Variants in SYT9 observed in about 807,000 individuals in gnomAD.
SYT9 encodes synaptotagmin 9.
A neutral mutation model predicts 48.4 loss-of-function variants in SYT9; 22 were observed. The observed-to-expected ratio is 0.45, with a 90% CI of 0.32 to 0.65. The LOEUF is 0.65. Among genes scored for constraint, SYT9 ranks in the 30% least tolerant of loss-of-function variants. The pLI is 0.03. For synonymous variants in SYT9, 265 were observed against 245.0 expected, an observed-to-expected ratio of 1.08 and a Z score of -0.76; for missense variants, 577 against 622.0, an observed-to-expected ratio of 0.93 and a Z score of 0.77.
intron 6 of SYT9, chr11:7,454,440 G>A (rs1010434254): frequency 2.1e-5 from 8 of 386,264 alleles, no homozygotes; most frequent in Non-Finnish European, 2.5e-5. Context: ...TCCCAAGCAC[G>A]GACACAGTCC....
At chr11:7,251,127 CA>C (rs1564835912), upstream of SYT9, among the ~76,000 whole-genome samples, 36 of 150,874 alleles carry the variant, frequency 2.4e-4, no homozygotes, top group South Asian at 8.5e-4. Context: ...CACACACACA[CA>C]CACACCCAGA....
chr11:7,311,830 C>A (rs545255849), intron 2 of SYT9, among the ~76,000 whole-genome samples: 70 of 152,180 alleles, frequency 4.6e-4, no homozygotes, highest in Non-Finnish European at 9.0e-4. Context: ...GACTCAAGCT[C>A]TATTCTAGCA....
At position 7,376,320 on chromosome 11, in the gene SYT9, ATCTC is replaced by A. The variant is rs1190712010; in HGVS notation, c.1045-39718_1045-39715del. ...TTTATCTCTTCCTTTCTCTCTCTCTATCTCTCTTTCTCTCTCCCTCTTTCTTTCC... is the reference window on the plus strand; with the variant it reads ...TTTATCTCTTCCTTTCTCTCTCTCTATCTTTCTCTCTCCCTCTTTCTTTCC... On this transcript the variant is annotated intron_variant, in intron 3 of 6. Coordinates refer to ENST00000318881, the MANE Select transcript of SYT9 (RefSeq NM_175733.4). Among the ~76,000 whole-genome samples, 4 of 85,984 alleles carry A rather than the reference ATCTC, an allele frequency of 4.7e-5. No individual in the cohort carries two copies. The East Asian group carries it at 8.0e-4, about 17-fold the overall frequency. The allele number at this position is 85,984 out of a possible 152,430, so 56.4% of individuals were successfully genotyped here.
At chr11:7,399,770 T>C (rs1846845582) in intron 3 of SYT9, among the ~76,000 whole-genome samples, 1 of 148,178 alleles carries the variant, frequency 6.7e-6, no homozygotes, top group Non-Finnish European at 1.5e-5. Flanking sequence ...CACACATAAA[T>C]GTAAACTTGC....
intron 1 of SYT9, among the ~76,000 whole-genome samples, chr11:7,246,110 T>C (rs570560545): frequency 6.6e-6 from 1 of 152,314 alleles, no homozygotes; most frequent in Non-Finnish European, 1.5e-5. Context: ...TACTTTTACT[T>C]CTACTTGGTA....
At chr11:7,374,680 G>C (rs948288636) in intron 3 of SYT9, among the ~76,000 whole-genome samples, 1 of 152,104 alleles carries the variant, frequency 6.6e-6, no homozygotes, top group African/African-American at 2.4e-5. Context: ...ATGATGATGC[G>C]CTTTTTGCCA....
intron 3 of SYT9, among the ~76,000 whole-genome samples, chr11:7,378,738 G>A (rs1168056954): frequency 6.6e-6 from 1 of 152,036 alleles, no homozygotes; most frequent in Admixed American, 6.6e-5. Flanking sequence ...TGAGAATGTT[G>A]GCTTAATTCA....
chr11:7,256,267 G>A lies in SYT9; in HGVS notation c.145+3936G>A, dbSNP rs528643796. 5.9e-5 allele frequency among the ~76,000 whole-genome samples: 9 copies of A among 152,312 alleles called. No individual in the cohort carries two copies. The South Asian group carries it at 1.9e-3, about 32-fold the overall frequency. ...TAGGTCATTTCACTAGTCCTCACAA[G>A]TCTTTTAAGCACTTATCTGTGTTCC... is the stretch of plus-strand genomic sequence containing the variant. On this transcript the variant is annotated intron_variant, in intron 1 of 6. Transcript: ENST00000318881.
chr11:7,246,817 G>A (rs886683665), intron 1 of SYT9, among the ~76,000 whole-genome samples: 2 of 152,194 alleles, frequency 1.3e-5, no homozygotes, highest in African/African-American at 2.4e-5. Context: ...GTCCAAGTTC[G>A]AGAGGTCCAT....
chr11:7,341,158 G>T (rs1035101089), intron 3 of SYT9, among the ~76,000 whole-genome samples: 1 of 152,220 alleles, frequency 6.6e-6, no homozygotes, highest in Non-Finnish European at 1.5e-5. Context: ...GCATGAAAAT[G>T]CAGTCTTCCT....
intron 3 of SYT9, among the ~76,000 whole-genome samples, chr11:7,317,971 A>G (rs1849270606): frequency 6.6e-6 from 1 of 152,230 alleles, no homozygotes; most frequent in Non-Finnish European, 1.5e-5. Flanking sequence ...TCACATTGCC[A>G]AGTTAAACAC....
intron 3 of SYT9, among the ~76,000 whole-genome samples, chr11:7,366,745 C>T (rs1850251036): frequency 6.6e-6 from 1 of 151,924 alleles, no homozygotes; most frequent in South Asian, 2.1e-4. Context: ...TCCTCAAGTC[C>T]TAGAAATAGA....
intron 6 of SYT9, among the ~76,000 whole-genome samples, chr11:7,452,529 C>T (rs558411855): frequency 6.6e-6 from 1 of 152,324 alleles, no homozygotes; most frequent in Admixed American, 6.5e-5. Flanking sequence ...TCAAAATGAT[C>T]TCACTGGGGT....
chr11:7,247,071 A>G (rs1847801329), upstream of SYT9, among the ~76,000 whole-genome samples: 1 of 152,224 alleles, frequency 6.6e-6, no homozygotes, highest in African/African-American at 2.4e-5. Flanking sequence ...TGGCAGAGAG[A>G]AAGCAAACTC....
At chr11:7,387,823 T>A (rs1395086457) in intron 3 of SYT9, among the ~76,000 whole-genome samples, 2 of 152,186 alleles carry the variant, frequency 1.3e-5, no homozygotes, top group Non-Finnish European at 2.9e-5. Flanking sequence ...TTAAGTTGTT[T>A]AAATTTCATA....
At chr11:7,339,774 A>T (rs115862742) in intron 3 of SYT9, among the ~76,000 whole-genome samples, 1,989 of 152,152 alleles carry the variant, frequency 0.013, 42 homozygotes, top group African/African-American at 0.044. Context: ...CTTTCTCTCT[A>T]GCTGCCTTTA....
intron 3 of SYT9, among the ~76,000 whole-genome samples, chr11:7,374,661 G>A (rs746158728): frequency 6.6e-6 from 1 of 151,988 alleles, no homozygotes; most frequent in Non-Finnish European, 1.5e-5. Flanking sequence ...TTCTTTTCTC[G>A]AATGACCAAT....
At chr11:7,462,654 A>C (rs993493634) in intron 6 of SYT9, among the ~76,000 whole-genome samples, 2 of 152,230 alleles carry the variant, frequency 1.3e-5, no homozygotes, top group African/African-American at 4.8e-5. Flanking sequence ...AGCTGTGGTA[A>C]GCAATAAATA....
At chr11:7,376,921 C>T (rs891245897) in intron 3 of SYT9, among the ~76,000 whole-genome samples, 1 of 151,466 alleles carries the variant, frequency 6.6e-6, no homozygotes, top group East Asian at 1.9e-4. Flanking sequence ...GTGATCATTC[C>T]CTGCAGCCCA....
Sources: gnomAD v4.1 joint callset for allele counts (sites outside exome capture counted in the v4.1 genomes callset) on GRCh38, gnomAD v4.1.1 for gene constraint, MANE v1.5 for transcripts, NCBI Gene and HGNC (gene_info 2026-07-23, HGNC 2026-07-21) for gene names.